GOLGA4: variants seen among roughly 807,000 people sequenced by gnomAD.
GOLGA4 encodes the protein golgin subfamily A member 4.
A neutral mutation model predicts 265.9 loss-of-function variants in GOLGA4; 169 were observed. The ratio of observed to expected loss-of-function variants is 0.64; its 90% CI spans 0.56 to 0.72. GOLGA4 has a LOEUF of 0.72. Among genes scored for constraint, GOLGA4 ranks in the 30% least tolerant of loss-of-function variants. The probability of loss-of-function intolerance (pLI) is 0.00; values close to 1 mark genes in which losing one functional copy is unlikely to be tolerated. For missense variants in GOLGA4, 2,482 were observed against 2,483.4 expected (o/e 1.00, Z 0.01); for synonymous variants, 923 against 855.8 (o/e 1.08, Z -1.37).
intron 3 of GOLGA4, among the ~76,000 whole-genome samples, chr3:37,285,363 G>A (rs2096845687): frequency 6.6e-6 from 1 of 152,068 alleles, no homozygotes; most frequent in Non-Finnish European, 1.5e-5. Context: ...AATTTCATTA[G>A]GGTGTGCTAG....
intron 21 of GOLGA4, 98 bp from the exon 22 acceptor site, chr3:37,355,003 A>G: frequency 1.4e-6 from 1 of 712,014 alleles, no homozygotes; most frequent in Non-Finnish European, 2.5e-6. Flanking sequence ...GCTTTCATTG[A>G]GAGCACTAAA....
At chr3:37,352,524 A>C (rs1031088366) in intron 21 of GOLGA4, among the ~76,000 whole-genome samples, 1 of 151,998 alleles carries the variant, frequency 6.6e-6, no homozygotes, top group Non-Finnish European at 1.5e-5. Context: ...GACAGAGCCA[A>C]ATCATGTCGC....
chr3:37,335,721 C>A (rs1037690795), intron 17 of GOLGA4, among the ~76,000 whole-genome samples: 1 of 149,452 alleles, frequency 6.7e-6, no homozygotes, highest in Non-Finnish European at 1.5e-5. Context: ...GGACTGAATT[C>A]AAAGAGAACT....
chr3:37,363,930 G>A (rs546187076), intron 23 of GOLGA4, among the ~76,000 whole-genome samples: 7 of 152,264 alleles, frequency 4.6e-5, no homozygotes, highest in African/African-American at 1.4e-4. Flanking sequence ...TCCCACAACA[G>A]ATCAAGCTAC....
intron 22 of GOLGA4, among the ~76,000 whole-genome samples, chr3:37,356,554 G>C (rs1449331912): frequency 6.6e-6 from 1 of 152,054 alleles, no homozygotes; most frequent in Non-Finnish European, 1.5e-5. Context: ...AAATATTTTT[G>C]ATAAAGAAAT....
At chr3:37,297,298 C>A (rs1015183448) in intron 7 of GOLGA4, among the ~76,000 whole-genome samples, 1 of 152,086 alleles carries the variant, frequency 6.6e-6, no homozygotes, top group Non-Finnish European at 1.5e-5. Flanking sequence ...TCTGAGCAAC[C>A]AGACTATGGT....
chr3:37,321,521 A>G (rs554628192), intron 12 of GOLGA4: 74 of 455,362 alleles, frequency 1.6e-4, no homozygotes, highest in African/African-American at 1.0e-3. Context: ...AAAATTTTTC[A>G]TATCAGTAGT....
intron 10 of GOLGA4, among the ~76,000 whole-genome samples, chr3:37,308,719 A>C (rs1039152123): frequency 1.3e-5 from 2 of 151,690 alleles, no homozygotes; most frequent in Non-Finnish European, 2.9e-5. Flanking sequence ...GGGTTCAAGC[A>C]ATTCTCCTGC....
rs747977743 is a variant in GOLGA4 at position 37,313,965 on chromosome 3, A to ATT, written c.1235-1440_1235-1439dup. On this transcript the variant is annotated intron_variant, in intron 10 of 23. Coordinates refer to ENST00000361924, the MANE Select transcript of GOLGA4 (RefSeq NM_002078.5). ...CACAAATACACGTAAACACACATGT[A>ATT]TTTTTTTTTTTTTTTTGAGACAAAA... Among the ~76,000 whole-genome samples, 213 of 143,388 alleles carry ATT rather than the reference A, an allele frequency of 1.5e-3. 1 individual carries two copies. The highest frequency in any genetic ancestry group is 8.4e-3 in the East Asian group (41 of 4,856). The allele number at this position is 143,388 out of a possible 152,430, so 94.1% of individuals were successfully genotyped here.
chr3:37,244,665 C>CG (rs1460878544), intron 1 of GOLGA4, among the ~76,000 whole-genome samples: 24 of 152,262 alleles, frequency 1.6e-4, no homozygotes, highest in African/African-American at 4.8e-4. Flanking sequence ...TAACATACAA[C>CG]GATTGCATTA....
At chr3:37,296,723 A>G (rs1211002074) in intron 7 of GOLGA4, among the ~76,000 whole-genome samples, 1 of 151,922 alleles carries the variant, frequency 6.6e-6, no homozygotes, top group Non-Finnish European at 1.5e-5. Context: ...GGCACACACC[A>G]CCATGCCCGG....
At chr3:37,342,818 A>G (rs2097041238) in intron 20 of GOLGA4, among the ~76,000 whole-genome samples, 1 of 152,184 alleles carries the variant, frequency 6.6e-6, no homozygotes, top group South Asian at 2.1e-4. Flanking sequence ...AATGTTTGCT[A>G]TATTTTTTGT....
rs1166055668 is a variant in GOLGA4, at chr3:37,327,444, A to G, written c.5558A>G (p.Glu1853Gly). The G allele has an allele frequency of 2.5e-6, 4 of 1,612,920 alleles. No homozygotes were observed. The East Asian group carries it at 8.9e-5, about 36-fold the overall frequency. Residue 1853 changes from glutamate (E) to glycine (G), a missense_variant, in exon 14 of 24, where the codon GAG becomes GGG. Coordinates refer to ENST00000361924, the MANE Select transcript of GOLGA4 (RefSeq NM_002078.5). Reference protein sequence around the residue: ...QEKELTCQILEQKIKELDSCL... With the variant: ...QEKELTCQILGQKIKELDSCL... ...AAGGAACTAACCTGTCAGATTTTGG[A>G]GCAAAAGATAAAAGAGCTGGATTCC...
In GOLGA4 at chr3:37,366,166, T is replaced by C; in HGVS notation, c.*120T>C. 4 of 1,393,684 alleles carry C rather than the reference T, an allele frequency of 2.9e-6. No individual in the cohort carries two copies. The South Asian group carries it at 4.2e-5, about 15-fold the overall frequency. The allele number at this position is 1,393,684 out of a possible 1,614,324, so 86.3% of individuals were successfully genotyped here. A position where few individuals can be genotyped will look rare whatever the true frequency, so the allele number is the denominator to read the frequency against. On this transcript the variant is annotated 3_prime_UTR_variant, in exon 24 of 24. Coordinates refer to ENST00000361924, the MANE Select transcript of GOLGA4 (RefSeq NM_002078.5). ...GTCCACACTTGCTACTCTTTGAGAATGAAGTTGTCATTCAGGGCCCCTCAT... is the reference window on the plus strand; with the variant it reads ...GTCCACACTTGCTACTCTTTGAGAACGAAGTTGTCATTCAGGGCCCCTCAT...
intron 7 of GOLGA4, among the ~76,000 whole-genome samples, chr3:37,298,237 G>T (rs905280131): frequency 6.6e-6 from 1 of 152,224 alleles, no homozygotes; most frequent in Admixed American, 6.5e-5. Context: ...AATCAGTCTC[G>T]CCAAGCATTC....
chr3:37,351,292 C>T (rs1157537553), intron 21 of GOLGA4, among the ~76,000 whole-genome samples: 2 of 152,168 alleles, frequency 1.3e-5, no homozygotes, highest in Non-Finnish European at 2.9e-5. Context: ...GCAATCCAGT[C>T]ATGTCTTCAG....
chr3:37,361,113 A>G, intron 22 of GOLGA4, 130 bp from the exon 23 acceptor site: 1 of 702,606 alleles, frequency 1.4e-6, no homozygotes, highest in Non-Finnish European at 2.6e-6. Flanking sequence ...TACACCCTTG[A>G]TTTGGGGAGA....
chr3:37,255,056 G>A (rs977651231), intron 2 of GOLGA4, among the ~76,000 whole-genome samples: 4 of 150,480 alleles, frequency 2.7e-5, no homozygotes, highest in Non-Finnish European at 4.5e-5. Flanking sequence ...CTAAAAAAAT[G>A]ATAAAGTTTG....
chr3:37,289,209 A>G (rs1227774250), intron 4 of GOLGA4, 26 bp from the exon 5 acceptor site: 1 of 1,421,564 alleles, frequency 7.0e-7, no homozygotes, highest in Non-Finnish European at 9.8e-7. Flanking sequence ...CTGTTTAACC[A>G]GCTTTTTTTT....
Sources: allele counts gnomAD v4.1 joint callset (sites outside exome capture counted in the v4.1 genomes callset), GRCh38; gene constraint gnomAD v4.1.1; transcripts MANE v1.5; gene names NCBI Gene and HGNC (gene_info 2026-07-23, HGNC 2026-07-21).